MAPRE3: variants seen among roughly 807,000 people sequenced by gnomAD.
The protein encoded by MAPRE3 is microtubule associated protein RP/EB family member 3, also known as microtubule-associated protein RP/EB family member 3.
In MAPRE3, 2 loss-of-function variants were observed where a neutral mutation model predicts 30.5. The observed-to-expected ratio is 0.07, with a 90% CI of 0.03 to 0.21. The LOEUF is 0.21. Ranked by LOEUF, MAPRE3 falls within the 10% of genes least tolerant of loss-of-function variation. The pLI is 1.00. For missense variants in MAPRE3, 204 were observed against 351.8 expected, an observed-to-expected ratio of 0.58 and a Z score of 3.36; for synonymous variants, 110 against 127.7, an observed-to-expected ratio of 0.86 and a Z score of 0.93.
chr2:26,996,614 C>T (rs759818495), intron 1 of MAPRE3, among the ~76,000 whole-genome samples: 2 of 152,000 alleles, frequency 1.3e-5, no homozygotes, highest in Non-Finnish European at 2.9e-5. Context: ...CACAGTGAAA[C>T]CCCGTCTCTA....
intron 1 of MAPRE3, among the ~76,000 whole-genome samples, chr2:27,017,980 TC>T (rs1667025182): frequency 6.6e-6 from 1 of 152,134 alleles, no homozygotes. Context: ...CATTAGCAGG[TC>T]CAATCCTGTG....
At chr2:27,003,053 C>A (rs532673419) in intron 1 of MAPRE3, 5 of 152,402 alleles carry the variant, frequency 3.3e-5, no homozygotes, top group African/African-American at 1.2e-4. Flanking sequence ...AGACGTACTA[C>A]AGTTTCCTGA....
intron 1 of MAPRE3, among the ~76,000 whole-genome samples, chr2:27,008,498 G>C (rs777860485): frequency 6.6e-6 from 1 of 152,056 alleles, no homozygotes; most frequent in African/African-American, 2.4e-5. Flanking sequence ...GGATTTTTTG[G>C]AGGGAAAAAG....
chr2:27,000,354 G>A (rs542561484), intron 1 of MAPRE3, among the ~76,000 whole-genome samples: 6 of 152,330 alleles, frequency 3.9e-5, no homozygotes, highest in East Asian at 1.9e-4. Flanking sequence ...TAAGTACAAG[G>A]CAGGCTCCTG....
At chr2:26,992,547 T>TA (rs1558375529) in intron 1 of MAPRE3, among the ~76,000 whole-genome samples, 8 of 126,196 alleles carry the variant, frequency 6.3e-5, no homozygotes, top group East Asian at 3.4e-4. Flanking sequence ...TTTTTTTTTT[T>TA]TAATCCTGAC....
intron 1 of MAPRE3, among the ~76,000 whole-genome samples, chr2:26,972,871 G>GAT (rs1219687435): frequency 6.6e-6 from 1 of 152,032 alleles, no homozygotes; most frequent in Non-Finnish European, 1.5e-5. Context: ...TGTTTTATGA[G>GAT]ATAATGATGG....
chr2:26,984,640 C>G (rs951598450), intron 1 of MAPRE3: 3 of 152,268 alleles, frequency 2.0e-5, no homozygotes, highest in African/African-American at 7.2e-5. Flanking sequence ...TCAAGACTTT[C>G]TTCTAGCTCC....
chr2:27,011,304 C>T (rs1040394974), intron 1 of MAPRE3, among the ~76,000 whole-genome samples: 2 of 152,218 alleles, frequency 1.3e-5, no homozygotes, highest in East Asian at 3.8e-4. Context: ...AACTGCTGAT[C>T]CCCCTCTCAT....
At chr2:26,974,973 C>T (rs1028205805) in intron 1 of MAPRE3, among the ~76,000 whole-genome samples, 3 of 152,162 alleles carry the variant, frequency 2.0e-5, no homozygotes, top group South Asian at 4.2e-4. Context: ...GTATTTGACA[C>T]GAACAGAGAA....
At chr2:27,006,259 C>T (rs1001922431) in intron 1 of MAPRE3, among the ~76,000 whole-genome samples, 3 of 152,072 alleles carry the variant, frequency 2.0e-5, no homozygotes, top group African/African-American at 7.2e-5. Context: ...GGCTATTAGA[C>T]AAGTAGGCTT....
In MAPRE3 at chr2:27,023,802, T is replaced by C. The variant is rs566567936; in HGVS notation, c.268-294T>C. ...CCCAAGAAAGTGTCTCTGCTCACTC[T>C]ACTGCCTCGGTGGCTGCAGACCCCC... On this transcript the variant is annotated intron_variant, in intron 3 of 6. Transcript: ENST00000233121. The C allele has an allele frequency of 1.6e-5, 8 of 505,008 alleles. No individual in the cohort carries two copies. In the East Asian group the frequency reaches 2.5e-4, roughly 16 times the overall value. The allele number at this position is 505,008 out of a possible 1,614,324, so 31.3% of individuals were successfully genotyped here. A position where few individuals can be genotyped will look rare whatever the true frequency, so the allele number is the denominator to read the frequency against.
chr2:26,980,869 A>T (rs1480547260), intron 1 of MAPRE3, among the ~76,000 whole-genome samples: 1 of 152,256 alleles, frequency 6.6e-6, no homozygotes, highest in Non-Finnish European at 1.5e-5. Flanking sequence ...CAAAGAAAAT[A>T]GTACACAGAC....
At chr2:27,024,429 C>T (rs746020056) in intron 4 of MAPRE3, 132 bp downstream of exon 4, 18 of 792,934 alleles carry the variant, frequency 2.3e-5, no homozygotes, top group South Asian at 7.4e-5. Flanking sequence ...GTTCGGATGA[C>T]GCCGCCTGCT....
intron 1 of MAPRE3, among the ~76,000 whole-genome samples, chr2:26,992,471 C>T (rs1261745916): frequency 2.0e-5 from 3 of 152,032 alleles, no homozygotes; most frequent in Non-Finnish European, 2.9e-5. Flanking sequence ...GTGATCCACC[C>T]GCCTCAGCCT....
chr2:26,993,582 T>A (rs1666395383), intron 1 of MAPRE3, among the ~76,000 whole-genome samples: 1 of 152,086 alleles, frequency 6.6e-6, no homozygotes, highest in Non-Finnish European at 1.5e-5. Context: ...ATAGAAAAAA[T>A]TCCTGTTGAG....
chr2:27,025,901 G>A lies in MAPRE3; in HGVS notation c.646G>A (p.Val216Met), dbSNP rs14628. The A allele has an allele frequency of 1.9e-6, 3 of 1,614,214 alleles. No homozygotes were observed. Among genetic ancestry groups the A allele is most frequent in the Non-Finnish European group, 1.7e-6 (2 of 1,180,044 alleles). Residue 216 changes from valine (V) to methionine (M), a missense_variant, in exon 6 of 7, where the codon GTG (valine) becomes ATG (methionine). Transcript: ENST00000233121. ...NQQLVDLKLT[V>M]DGLEKERDFY... is the part of the protein sequence containing the mutation. ...GCAGCTGGTGGACTTGAAGCTGACA[G>A]TGGATGGGCTGGAGAAGGAACGTGA...
At chr2:26,991,321 G>A (rs1420460123) in intron 1 of MAPRE3, among the ~76,000 whole-genome samples, 1 of 152,176 alleles carries the variant, frequency 6.6e-6, no homozygotes, top group African/African-American at 2.4e-5. Flanking sequence ...GGTCGGGTCT[G>A]CCACTGAGGT....
intron 1 of MAPRE3, among the ~76,000 whole-genome samples, chr2:26,977,768 G>C (rs945662536): frequency 1.3e-5 from 2 of 152,160 alleles, no homozygotes; most frequent in African/African-American, 4.8e-5. Context: ...CCGGGCAGCT[G>C]TCCTCTGGCC....
chr2:27,017,442 C>G (rs1667014473), intron 1 of MAPRE3, among the ~76,000 whole-genome samples: 1 of 152,192 alleles, frequency 6.6e-6, no homozygotes, highest in African/African-American at 2.4e-5. Context: ...TCATGGGACC[C>G]TAGAGTCAGA....
Sources: allele counts gnomAD v4.1 joint callset (sites outside exome capture counted in the v4.1 genomes callset), GRCh38; gene constraint gnomAD v4.1.1; transcripts MANE v1.5; gene names NCBI Gene and HGNC (gene_info 2026-07-23, HGNC 2026-07-21).